The following MICAL3 variants were observed in gnomAD, a reference collection of about 807,000 sequenced individuals.
MICAL3 encodes the protein [F-actin]-monooxygenase MICAL3.
MICAL3 carries 62 observed loss-of-function variants against 207.4 expected under a neutral mutation model. The observed-to-expected ratio is 0.30, with a 90% CI of 0.24 to 0.37. The LOEUF is 0.37. MICAL3 is among the 10% of genes least tolerant of loss of function. The pLI, the probability that MICAL3 is intolerant of heterozygous loss-of-function variation, is 1.00. For synonymous variants in MICAL3, 1,077 were observed against 1,069.3 expected (o/e 1.01, Z -0.14); for missense variants, 2,368 against 2,635.6 (o/e 0.90, Z 2.22).
Position 17,821,462 on chromosome 22 carries a change from G to T in MICAL3, c.3496C>A (p.Leu1166Ile), listed in dbSNP as rs754161316. 32 of 1,546,146 alleles carry T rather than the reference G, an allele frequency of 2.1e-5. No individual in the cohort carries two copies. In the South Asian group the frequency reaches 3.7e-4, roughly 18 times the overall value. ...GGGCTGTGGACTGGAATGAACAGAA[G>T]AGCTGATTCCTGGGGAGACCGGATG... The part of the protein sequence containing the change: ...SPIRSPQESA[L>I]LFIPVHSPST... The change falls in exon 25 of 32, where the codon CTT (leucine) becomes ATT (isoleucine). Residue 1166 changes from leucine to isoleucine, a missense_variant. By Grantham distance (5) the Leu-to-Ile change is conservative. Transcript: ENST00000441493.
intron 27 of MICAL3, chr22:17,815,519 C>T (rs563525842): frequency 2.6e-5 from 4 of 152,414 alleles, no homozygotes; most frequent in Admixed American, 2.6e-4. Flanking sequence ...TCAGCTCAGC[C>T]CCAGTGCAAC....
chr22:17,995,587 C>T (rs1342650248), intron 1 of MICAL3, among the ~76,000 whole-genome samples: 1 of 147,204 alleles, frequency 6.8e-6, no homozygotes, highest in East Asian at 2.0e-4. Context: ...CTCACTGCAG[C>T]CTTGGCCTCC....
chr22:18,002,532 C>T (rs561476527), intron 1 of MICAL3, among the ~76,000 whole-genome samples: 1 of 152,182 alleles, frequency 6.6e-6, no homozygotes, highest in East Asian at 1.9e-4. Flanking sequence ...ACTTAGGAGG[C>T]TGAGGCAGGA....
chr22:17,887,041 AGCC>A, intron 15 of MICAL3, 126 bp downstream of exon 15: 4 of 492,884 alleles, frequency 8.1e-6, no homozygotes, highest in Non-Finnish European at 1.4e-5. Flanking sequence ...GAAAAGAAAA[AGCC>A]CAACAGAAAT....
Position 17,864,499 on chromosome 22 carries a change from C to T in MICAL3, c.2605+400G>A, listed in dbSNP as rs1264110783. 3.5e-6 allele frequency: 5 copies of T among 1,430,540 alleles called. No homozygotes were observed. The African/African-American group carries it at 4.3e-5, about 12-fold the overall frequency. The allele number at this position is 1,430,540 out of a possible 1,614,324, so 88.6% of individuals were successfully genotyped here. A position where few individuals can be genotyped will look rare whatever the true frequency, so the allele number is the denominator to read the frequency against. The stretch of plus-strand genomic sequence containing the variant: ...AGCAAACTGCATGAAGGCCGAGTGG[C>T]CTTGGCCTCACCAGGGCGGGTGATG... On this transcript the variant is annotated intron_variant, in intron 19 of 31. Coordinates refer to ENST00000441493, the MANE Select transcript of MICAL3 (RefSeq NM_015241.3).
chr22:17,969,422 G>A (rs74510107), intron 1 of MICAL3, among the ~76,000 whole-genome samples: 7,221 of 152,272 alleles, frequency 0.047, 294 homozygotes, highest in African/African-American at 0.11. Context: ...TCCGCAGATC[G>A]TGCTTCTTGG....
intron 19 of MICAL3, chr22:17,860,175 T>C (rs1372889926): frequency 1.0e-6 from 1 of 975,972 alleles, no homozygotes; most frequent in East Asian, 1.1e-4. Context: ...GTTTGGAATT[T>C]ATTCTCTTAA....
intron 16 of MICAL3, among the ~76,000 whole-genome samples, chr22:17,877,324 GGGAGGTTAT>G (rs1569110220): frequency 5.2e-4 from 11 of 21,338 alleles, no homozygotes; most frequent in Middle Eastern, 0.038. Context: ...AGGGAGGTTA[GGGAGGTTAT>G]GGAGGTTAGG....
intron 1 of MICAL3, among the ~76,000 whole-genome samples, chr22:17,933,187 C>T (rs1760874691): frequency 3.3e-5 from 5 of 152,044 alleles, no homozygotes. Context: ...AGCACCACAT[C>T]GCACTTATTC....
chr22:17,978,352 AAGT>A, intron 1 of MICAL3, among the ~76,000 whole-genome samples: 1 of 152,336 alleles, frequency 6.6e-6, no homozygotes, highest in Non-Finnish European at 1.5e-5. Context: ...ATCAGAAAGA[AAGT>A]AGATGAGTAG....
In MICAL3 at chr22:17,808,393, G is replaced by A. The variant is rs1036742151; in HGVS notation, c.5650+451C>T. Among the ~76,000 whole-genome samples the A allele has an allele frequency of 7.2e-5, 11 of 152,370 alleles. No individual in the cohort carries two copies. In the East Asian group the frequency reaches 1.7e-3, roughly 24 times the overall value. ...GGTGGCCACATGCTCCCCGACCAGC[G>A]GTGTTGAGGGCTCTGTGGGCAGGAG... On this transcript the variant is annotated intron_variant, in intron 29 of 31. Coordinates refer to ENST00000441493, the MANE Select transcript of MICAL3 (RefSeq NM_015241.3).
At chr22:17,820,540 G>C (rs1203454832) in intron 25 of MICAL3, among the ~76,000 whole-genome samples, 1 of 152,148 alleles carries the variant, frequency 6.6e-6, no homozygotes, top group Admixed American at 6.5e-5. Context: ...ATTGTTAGTA[G>C]AGACAGGCTA....
intron 16 of MICAL3, chr22:17,875,495 G>T (rs929135119): frequency 6.4e-7 from 1 of 1,555,688 alleles, no homozygotes; most frequent in Non-Finnish European, 8.7e-7. Context: ...CAGAGGAGCG[G>T]AGACTAAGAG....
At chr22:17,807,351 G>A (rs564498924) in intron 29 of MICAL3, among the ~76,000 whole-genome samples, 1 of 152,318 alleles carries the variant, frequency 6.6e-6, no homozygotes, top group Admixed American at 6.5e-5. Context: ...GGGGGGCAGG[G>A]GCACCGCAGG....
intron 19 of MICAL3, among the ~76,000 whole-genome samples, chr22:17,852,701 A>G (rs1026703760): frequency 6.6e-6 from 1 of 152,224 alleles, no homozygotes; most frequent in African/African-American, 2.4e-5. Context: ...GGGACCACGC[A>G]TAAACCCTTG....
intron 16 of MICAL3, among the ~76,000 whole-genome samples, chr22:17,882,724 G>A (rs1929550964): frequency 6.6e-6 from 1 of 152,092 alleles, no homozygotes. Context: ...AACCTAACGG[G>A]GTTCTCACCG....
chr22:17,847,636 C>T (rs76519998), intron 19 of MICAL3, among the ~76,000 whole-genome samples: 15 of 152,274 alleles, frequency 9.9e-5, no homozygotes, highest in African/African-American at 2.2e-4. Context: ...CACCTTCCGG[C>T]GTCACCTTCC....
At chr22:17,998,127 C>T (rs1398395362) in intron 1 of MICAL3, among the ~76,000 whole-genome samples, 1 of 152,064 alleles carries the variant, frequency 6.6e-6, no homozygotes, top group Non-Finnish European at 1.5e-5. Flanking sequence ...CACGGTGAAA[C>T]CCTGTCTCTA....
At chr22:17,904,221 T>C (rs1456638890) in intron 3 of MICAL3, among the ~76,000 whole-genome samples, 1 of 152,226 alleles carries the variant, frequency 6.6e-6, no homozygotes, top group East Asian at 1.9e-4. Flanking sequence ...AGAGAATGTA[T>C]CAGCTCACAG....
Sources: gnomAD v4.1 joint callset for allele counts (sites outside exome capture counted in the v4.1 genomes callset) on GRCh38, gnomAD v4.1.1 for gene constraint, MANE v1.5 for transcripts, NCBI Gene and HGNC (gene_info 2026-07-23, HGNC 2026-07-21) for gene names.